TBX1: variants seen among roughly 807,000 people sequenced by gnomAD.
TBX1 encodes T-box transcription factor TBX1.
Under a neutral mutation model 40.8 loss-of-function variants are expected in TBX1, and 16 were observed. That is an observed-to-expected ratio of 0.39 (90% CI 0.27 to 0.60). The LOEUF (loss-of-function observed/expected upper bound fraction) is 0.60. Among genes scored for constraint, TBX1 ranks in the 20% least tolerant of loss-of-function variants. The probability of loss-of-function intolerance (pLI) is 0.51; values close to 1 mark genes in which losing one functional copy is unlikely to be tolerated. For synonymous variants in TBX1, 403 were observed against 336.8 expected (o/e 1.20, Z -2.15); for missense variants, 755 against 728.5 (o/e 1.04, Z -0.42).
chr22:19,758,769 C>T (rs1936544205), upstream of TBX1, among the ~76,000 whole-genome samples: 3 of 152,088 alleles, frequency 2.0e-5, no homozygotes, highest in Non-Finnish European at 2.9e-5. Context: ...GCGGGCGGTG[C>T]GCGCAAGTGC....
chr22:19,760,970 G>C lies in TBX1; in HGVS notation c.127G>C (p.Gly43Arg). Reference sequence around the variant, plus strand: ...GGGCTTCCCGGGCGCCGCGTCGCCCGGCGCCGACCCGTACGGCCCGCGCGA... The same window carrying C: ...GGGCTTCCCGGGCGCCGCGTCGCCCCGCGCCGACCCGTACGGCCCGCGCGA... ...AGGFPGAASPGADPYGPREPP... is the reference protein window; with the variant it reads ...AGGFPGAASPRADPYGPREPP... Residue 43 changes from glycine (G) to arginine (R), a missense_variant, in exon 1 of 7, where the codon GGC becomes CGC. Gly to Arg is a moderately radical substitution (Grantham distance 125). This residue lies in a region of TBX1 where 199 missense variants were observed against 173.0 expected (regional missense o/e 1.15). Coordinates refer to ENST00000649276, the MANE Select transcript of TBX1 (RefSeq NM_001379200.1). 2 of 979,600 alleles carry C rather than the reference G, an allele frequency of 2.0e-6. No individual in the cohort carries two copies. Among genetic ancestry groups the C allele is most frequent in the Non-Finnish European group, 2.4e-6 (2 of 826,504 alleles). The allele number at this position is 979,600 out of a possible 1,614,324, so 60.7% of individuals were successfully genotyped here. A position where few individuals can be genotyped will look rare whatever the true frequency, so the allele number is the denominator to read the frequency against.
downstream of TBX1, among the ~76,000 whole-genome samples, chr22:19,768,802 A>C (rs77890940): frequency 4.1e-4 from 63 of 152,180 alleles, no homozygotes; most frequent in African/African-American, 1.5e-3. Flanking sequence ...AGTGTTTGTA[A>C]ATGAGGGTGG....
upstream of TBX1, chr22:19,759,797 G>A: frequency 5.8e-6 from 7 of 1,212,570 alleles, no homozygotes; most frequent in African/African-American, 4.5e-5. Flanking sequence ...CCAGGCTTCT[G>A]GCTGCGATTC....
downstream of TBX1, among the ~76,000 whole-genome samples, chr22:19,770,187 G>A (rs1004933298): frequency 2.0e-5 from 3 of 152,160 alleles, no homozygotes; most frequent in Admixed American, 6.5e-5. Flanking sequence ...TCAGGAGGAC[G>A]AGAGACCAGA....
rs941116789 is a variant in TBX1 at position 19,766,513 on chromosome 22, C to T, written c.1161C>T (p.Gly387=). 3.6e-5 allele frequency: 47 copies of T among 1,310,768 alleles called. No individual in the cohort carries two copies. Among genetic ancestry groups the T allele is most frequent in the Admixed American group, 1.2e-4 (3 of 24,408 alleles). The allele number at this position is 1,310,768 out of a possible 1,614,324, so 81.2% of individuals were successfully genotyped here. ...GCCCCTCGCTGCCCGGGGCCGGCGG[C>T]GCCGGCGGCTTAGTCCCGCTGCCCG... ...VLSPSLPGAG[G]AGGLVPLPGA... is the part of the protein sequence containing the mutation. The change falls in exon 7 of 7, where the codon GGC becomes GGT. Residue 387 remains glycine, a synonymous_variant. Coordinates refer to ENST00000649276, the MANE Select transcript of TBX1 (RefSeq NM_001379200.1).
At chr22:19,764,087 C>T (rs1237418598) in intron 2 of TBX1, 68 bp from the exon 3 acceptor site, 1 of 1,582,544 alleles carries the variant, frequency 6.3e-7, no homozygotes, top group East Asian at 2.2e-5. Context: ...TTAGGGTTCG[C>T]CCAGCACACG....
chr22:19,761,725 C>T (rs1024441162), intron 1 of TBX1, among the ~76,000 whole-genome samples: 5 of 152,242 alleles, frequency 3.3e-5, no homozygotes, highest in Non-Finnish European at 7.3e-5. Context: ...TCAGTCTATG[C>T]GGGCAAGATA....
At chr22:19,773,068 T>C (rs1937014052) in intron 8 of TBX1, among the ~76,000 whole-genome samples, 1 of 152,204 alleles carries the variant, frequency 6.6e-6, no homozygotes, top group African/African-American at 2.4e-5. Context: ...GCTGGTGGCA[T>C]TGTTCCTCCA....
chr22:19,764,205 C>T lies in TBX1; in HGVS notation c.590C>T (p.Ala197Val). Reference sequence around the variant, plus strand: ...CTGGTGGCGGGGAAGGCCGACCCTGCCACGCCAGGCCGCGTGCACTACCAC... The same window carrying T: ...CTGGTGGCGGGGAAGGCCGACCCTGTCACGCCAGGCCGCGTGCACTACCAC... ...SWLVAGKADPATPGRVHYHPD... is the reference protein window; with the variant it reads ...SWLVAGKADPVTPGRVHYHPD... Residue 197 changes from alanine to valine, a missense_variant, in exon 3 of 7, where the codon GCC becomes GTC. This residue lies in a region of TBX1 where 144 missense variants were observed against 238.0 expected (regional missense o/e 0.61). Transcript: ENST00000649276. 2 of 1,612,894 alleles carry T rather than the reference C, an allele frequency of 1.2e-6. No individual in the cohort carries two copies. The highest frequency in any genetic ancestry group is 8.5e-7 in the Non-Finnish European group (1 of 1,179,934).
At chr22:19,769,681 C>G (rs764576196), downstream of TBX1, among the ~76,000 whole-genome samples, 2 of 152,264 alleles carry the variant, frequency 1.3e-5, no homozygotes, top group Non-Finnish European at 2.9e-5. Context: ...TAAGGCCTGG[C>G]TTCCAGCAGC....
chr22:19,769,613 G>A (rs1936954537), downstream of TBX1, among the ~76,000 whole-genome samples: 1 of 152,230 alleles, frequency 6.6e-6, no homozygotes, highest in Non-Finnish European at 1.5e-5. Flanking sequence ...GGGCTGTCTG[G>A]CTGATGCCCC....
At chr22:19,777,095 T>C (rs1484751208) in intron 8 of TBX1, among the ~76,000 whole-genome samples, 2 of 150,548 alleles carry the variant, frequency 1.3e-5, no homozygotes, top group East Asian at 2.0e-4. Flanking sequence ...TGTTTTAGGG[T>C]ACATGTGCAC....
upstream of TBX1, among the ~76,000 whole-genome samples, chr22:19,760,282 T>TA (rs1434746988): frequency 7.1e-6 from 1 of 140,292 alleles, no homozygotes; most frequent in East Asian, 2.1e-4. Flanking sequence ...AGGCACCGAC[T>TA]AAAAGAAAGA....
chr22:19,775,168 A>G (rs751363162), intron 8 of TBX1, among the ~76,000 whole-genome samples: 1 of 152,096 alleles, frequency 6.6e-6, no homozygotes, highest in Non-Finnish European at 1.5e-5. Context: ...ATCTTGGCTC[A>G]CTGCAACCTT....
upstream of TBX1, chr22:19,759,501 C>A: frequency 1.3e-6 from 2 of 1,497,080 alleles, no homozygotes; most frequent in Non-Finnish European, 8.9e-7. Context: ...CCTATGGACG[C>A]GCGGAGCCCG....
At chr22:19,774,571 G>A (rs1280773043) in intron 8 of TBX1, among the ~76,000 whole-genome samples, 2 of 152,130 alleles carry the variant, frequency 1.3e-5, no homozygotes, top group Non-Finnish European at 2.9e-5. Flanking sequence ...CGAGCCGAGC[G>A]TCCACCGATA....
chr22:19,766,425 CG>C lies in TBX1; in HGVS notation c.1076del (p.Gly359AlafsTer20). ...GCCCGGCGAGAATTCCAGCGCGACG[CG>C]GGCGGGCCAGCAGTGCTCGGGGACC... is the stretch of plus-strand genomic sequence containing the variant. ...AEARREFQRDAGGPAVLGDPA... is the reference protein window; with the variant it reads ...AEARREFQRDXGGPAVLGDPA... On this transcript the variant is annotated frameshift_variant, in exon 7 of 7. Coordinates refer to ENST00000649276, the MANE Select transcript of TBX1 (RefSeq NM_001379200.1). LOFTEE classifies it high-confidence loss of function. 1 of 1,343,172 alleles carries C rather than the reference CG, an allele frequency of 7.4e-7. No homozygotes were observed. The highest frequency in any genetic ancestry group is 1.7e-5 in the South Asian group (1 of 57,706). 83.2% of individuals were successfully genotyped at this position (1,343,172 alleles called of 1,614,324 possible). A position where few individuals can be genotyped will look rare whatever the true frequency, so the allele number is the denominator to read the frequency against.
In TBX1 at chr22:19,766,592, C is replaced by T. The variant is rs757648761; in HGVS notation, c.1240C>T (p.Pro414Ser). The T allele has an allele frequency of 1.7e-5, 25 of 1,482,356 alleles. No homozygotes were observed. In the Admixed American group the frequency reaches 4.6e-4, roughly 27 times the overall value. The allele number at this position is 1,482,356 out of a possible 1,614,324, so 91.8% of individuals were successfully genotyped here. ...PPNPELRLEA[P>S]GASEPLHHHP... ...GAACCCCGAGCTGCGCCTGGAGGCG[C>T]CCGGCGCATCGGAGCCGCTGCACCA... is the stretch of plus-strand genomic sequence containing the variant. Residue 414 changes from proline (P) to serine (S), a missense_variant, in exon 7 of 7, where the codon CCC becomes TCC. By Grantham distance (74) the Pro-to-Ser change is moderately conservative. Transcript: ENST00000649276.
At position 19,766,501 on chromosome 22, in the gene TBX1, CG is replaced by C. The variant is rs1171665356; in HGVS notation, c.1153del (p.Ala385ProfsTer7). 4 of 1,309,482 alleles carry C rather than the reference CG, an allele frequency of 3.1e-6. No individual in the cohort carries two copies. The highest frequency in any genetic ancestry group is 2.1e-5 in the South Asian group (1 of 47,832). 81.1% of individuals were successfully genotyped at this position (1,309,482 alleles called of 1,614,324 possible). A position where few individuals can be genotyped will look rare whatever the true frequency, so the allele number is the denominator to read the frequency against. On this transcript the variant is annotated frameshift_variant, in exon 7 of 7. Transcript: ENST00000649276. LOFTEE classifies it high-confidence loss of function. ...LARVLSPSLP[G>X]AGGAGGLVPL... Reference sequence around the variant, plus strand: ...CCCGGGTGCTAAGCCCCTCGCTGCCCGGGGCCGGCGGCGCCGGCGGCTTAGT... The same window carrying C: ...CCCGGGTGCTAAGCCCCTCGCTGCCCGGGCCGGCGGCGCCGGCGGCTTAGT...
Sources: allele counts gnomAD v4.1 joint callset (sites outside exome capture counted in the v4.1 genomes callset), GRCh38; gene constraint gnomAD v4.1.1; regional missense constraint gnomAD v4.1.1; transcripts MANE v1.5; gene names NCBI Gene and HGNC (gene_info 2026-07-23, HGNC 2026-07-21).